The following TMEM126B variants were observed in gnomAD, a reference collection of about 807,000 sequenced individuals.
TMEM126B encodes the protein complex I assembly factor TMEM126B, mitochondrial.
Under a neutral mutation model 16.5 loss-of-function variants are expected in TMEM126B, and 19 were observed. The observed-to-expected ratio is 1.15, with a 90% CI of 0.80 to 1.69. The LOEUF is 1.69. Ranked by LOEUF, TMEM126B falls within the 40% of genes most tolerant of loss-of-function variation. The pLI, the probability that TMEM126B is intolerant of heterozygous loss-of-function variation, is 0.00. For synonymous variants in TMEM126B, 104 were observed against 93.2 expected, an observed-to-expected ratio of 1.12 and a Z score of -0.67; for missense variants, 293 against 278.7, an observed-to-expected ratio of 1.05 and a Z score of -0.37.
chr11:85,629,134 T>C, intron 1 of TMEM126B: 2 of 984,750 alleles, frequency 2.0e-6, no homozygotes, highest in South Asian at 1.3e-5. Context: ...ATTGCCAGCT[T>C]TTTTGTTCTG....
At chr11:85,631,350 G>A (rs1202614653) in intron 1 of TMEM126B, 4 of 1,181,122 alleles carry the variant, frequency 3.4e-6, no homozygotes, top group Admixed American at 3.5e-5. Context: ...TCTCAAGCAA[G>A]CCAACCTTTC....
At chr11:85,631,121 C>G in intron 1 of TMEM126B, 1 of 1,281,198 alleles carries the variant, frequency 7.8e-7, no homozygotes, top group South Asian at 1.2e-5. Context: ...CCAAGGCAAT[C>G]CCTGCTCTCT....
intron 1 of TMEM126B, 28 bp downstream of exon 1, chr11:85,628,716 G>C: frequency 6.6e-7 from 1 of 1,523,694 alleles, no homozygotes; most frequent in Non-Finnish European, 8.8e-7. Context: ...GTGGTATGGG[G>C]GGTGATTTCT....
At chr11:85,631,081 C>G in intron 1 of TMEM126B, 1 of 1,215,670 alleles carries the variant, frequency 8.2e-7, no homozygotes, top group South Asian at 1.3e-5. Flanking sequence ...AGCAGTGTCC[C>G]TCTTTCTGAT....
chr11:85,629,167 C>G, intron 1 of TMEM126B: 1 of 1,229,936 alleles, frequency 8.1e-7, no homozygotes, highest in South Asian at 1.3e-5. Context: ...GTTGTGGATT[C>G]CTGAGGATGG....
chr11:85,631,496 A>G (rs1262464100), intron 1 of TMEM126B, among the ~76,000 whole-genome samples, 191 bp from the exon 2 acceptor site: 2 of 152,216 alleles, frequency 1.3e-5, no homozygotes, highest in South Asian at 2.1e-4. Flanking sequence ...CAAAAAGCCA[A>G]TGTCTAACAG....
chr11:85,629,552 T>C (rs902903932), intron 1 of TMEM126B, among the ~76,000 whole-genome samples: 1 of 152,218 alleles, frequency 6.6e-6, no homozygotes. Flanking sequence ...GTTTTCCCTA[T>C]AGAGACTTTA....
chr11:85,635,964 C>T lies in TMEM126B; in HGVS notation c.510-82C>T, dbSNP rs75480347. On this transcript the variant is annotated intron_variant, in intron 4 of 4. Coordinates refer to ENST00000358867, the MANE Select transcript of TMEM126B (RefSeq NM_018480.7). ...TCTCTACATTATAGATCTAGAAAGG[C>T]AATTATCAATTTAGGAGAAGTCAAC... 0.025 allele frequency: 34,607 copies of T among 1,405,254 alleles called. 567 individuals are homozygous for T. The highest frequency in any genetic ancestry group is 0.033 in the Middle Eastern group (158 of 4,842). The allele number at this position is 1,405,254 out of a possible 1,614,324, so 87.0% of individuals were successfully genotyped here. A position where few individuals can be genotyped will look rare whatever the true frequency, so the allele number is the denominator to read the frequency against.
chr11:85,631,066 C>T, intron 1 of TMEM126B: 1 of 1,104,788 alleles, frequency 9.1e-7, no homozygotes, highest in Non-Finnish European at 1.2e-6. Flanking sequence ...CTGTTCCCTT[C>T]CTGGAGCAGT....
chr11:85,636,063 T>C lies in TMEM126B; in HGVS notation c.527T>C (p.Leu176Pro), dbSNP rs1356867552. ...RLATKYHTVP[L>P]PPKGRVLIHW... Reference sequence around the variant, plus strand: ...CTTTTTAGGTATCATACCGTTCCACTGCCACCAAAAGGAAGGGTTTTAATC... The same window carrying C: ...CTTTTTAGGTATCATACCGTTCCACCGCCACCAAAAGGAAGGGTTTTAATC... The change falls in exon 5 of 5, where the codon CTG (leucine) becomes CCG (proline). Residue 176 changes from leucine (L) to proline (P), a missense_variant. Leu to Pro is a moderately conservative substitution (Grantham distance 98). Transcript: ENST00000358867. 1.3e-6 allele frequency: 2 copies of C among 1,599,198 alleles called. No individual in the cohort carries two copies. Among genetic ancestry groups the C allele is most frequent in the Non-Finnish European group, 1.7e-6 (2 of 1,175,448 alleles).
intron 4 of TMEM126B, 121 bp from the exon 5 acceptor site, chr11:85,635,923 CTT>C: frequency 8.5e-7 from 1 of 1,181,952 alleles, no homozygotes; most frequent in Middle Eastern, 2.9e-4. Context: ...AGATAGCTAA[CTT>C]TTAACTTTTT....
intron 1 of TMEM126B, chr11:85,629,278 A>G: frequency 7.9e-7 from 1 of 1,273,104 alleles, no homozygotes; most frequent in Non-Finnish European, 1.0e-6. Flanking sequence ...ATTTATTATT[A>G]GGTGAAAAAT....
At chr11:85,630,560 A>G (rs2082276544) in intron 1 of TMEM126B, among the ~76,000 whole-genome samples, 1 of 152,248 alleles carries the variant, frequency 6.6e-6, no homozygotes, top group South Asian at 2.1e-4. Context: ...CAGAGACTCT[A>G]GAGTCTTGCC....
chr11:85,629,210 C>T (rs1004638131), intron 1 of TMEM126B: 1 of 1,289,008 alleles, frequency 7.8e-7, no homozygotes, highest in Non-Finnish European at 1.0e-6. Flanking sequence ...GGAGGTCTGG[C>T]ATATACCACG....
At position 85,634,110 on chromosome 11, in the gene TMEM126B, G is replaced by A. The variant is rs567997108; in HGVS notation, c.228G>A (p.Ala76=). 126 of 1,612,940 alleles carry A rather than the reference G, an allele frequency of 7.8e-5. No individual in the cohort carries two copies. Among genetic ancestry groups the A allele is most frequent in the Non-Finnish European group, 1.0e-4 (119 of 1,179,724 alleles). The change falls in exon 3 of 5, where the codon GCG becomes GCA. Residue 76 remains alanine, a synonymous_variant. Transcript: ENST00000358867. ...KEMTQNIYQM[A]TFGTTAGFSG... ...GGACACAAAATATATATCAAATGGC[G>A]ACATTTGGAACAACAGCTGGTTTCT... is the stretch of plus-strand genomic sequence containing the variant.
intron 4 of TMEM126B, 43 bp downstream of exon 4, chr11:85,635,821 C>CTTTTTTTTTTTTTTTTTTTTCTTT: frequency 1.2e-6 from 1 of 867,440 alleles, no homozygotes. Context: ...CTTTTCTTTT[C>CTTTTTTTTTTTTTTTTTTTTCTTT]TTTTTTTTTT....
intron 1 of TMEM126B, chr11:85,629,199 C>G (rs771140204): frequency 1.7e-5 from 22 of 1,287,964 alleles, no homozygotes; most frequent in Non-Finnish European, 1.0e-5. Flanking sequence ...CTTGATTACC[C>G]GGAGGTCTGG....
At chr11:85,633,914 T>C (rs563955050) in intron 2 of TMEM126B, among the ~76,000 whole-genome samples, 172 bp from the exon 3 acceptor site, 1 of 152,348 alleles carries the variant, frequency 6.6e-6, no homozygotes, top group South Asian at 2.1e-4. Flanking sequence ...AAATTTCTTT[T>C]TTTCTTTTGC....
intron 1 of TMEM126B, chr11:85,629,080 T>C: frequency 1.8e-6 from 1 of 555,688 alleles, no homozygotes; most frequent in Non-Finnish European, 3.1e-6. Context: ...TTTTCTTAGG[T>C]TGTTGGGTTT....
Sources: allele counts gnomAD v4.1 joint callset (sites outside exome capture counted in the v4.1 genomes callset), GRCh38; gene constraint gnomAD v4.1.1; transcripts MANE v1.5; gene names NCBI Gene and HGNC (gene_info 2026-07-23, HGNC 2026-07-21).